The following RPAP3 variants were observed in gnomAD, a reference collection of about 807,000 sequenced individuals.
RPAP3 encodes RNA polymerase II-associated protein 3.
Under a neutral mutation model 88.8 loss-of-function variants are expected in RPAP3, and 58 were observed. That is an observed-to-expected ratio of 0.65 (90% CI 0.53 to 0.81). RPAP3 has a LOEUF of 0.81. RPAP3 is among the 40% of genes least tolerant of loss of function. RPAP3 has a pLI of 0.00. For missense variants in RPAP3, 751 were observed against 764.3 expected (o/e 0.98, Z 0.20); for synonymous variants, 255 against 259.9 (o/e 0.98, Z 0.18).
At chr12:47,704,543 ATT>A (rs63079361) in intron 1 of RPAP3, among the ~76,000 whole-genome samples, 7 of 139,784 alleles carry the variant, frequency 5.0e-5, no homozygotes, top group African/African-American at 5.3e-5. Flanking sequence ...TAATTTTTGT[ATT>A]TTTTTTTTTT....
At chr12:47,677,059 TCATCC>T (rs1476141720) in intron 12 of RPAP3, among the ~76,000 whole-genome samples, 1 of 152,198 alleles carries the variant, frequency 6.6e-6, no homozygotes, top group Non-Finnish European at 1.5e-5. Flanking sequence ...CAAGCTGGCT[TCATCC>T]CAGGGAAGAA....
At position 47,698,837 on chromosome 12, in the gene RPAP3, A is replaced by T. The variant is rs943808294; in HGVS notation, c.295-1118T>A. The stretch of plus-strand genomic sequence containing the variant: ...TTAGAGTTCATTAAAGCACATTTAA[A>T]TACAAACTTTAATTATTATGTAAAC... On this transcript the variant is annotated intron_variant, in intron 3 of 16. Coordinates refer to ENST00000005386, the MANE Select transcript of RPAP3 (RefSeq NM_024604.3). Among the ~76,000 whole-genome samples, 12 of 152,358 alleles carry T rather than the reference A, an allele frequency of 7.9e-5. No homozygotes were observed. In the East Asian group the frequency reaches 2.3e-3, roughly 29 times the overall value.
chr12:47,691,115 C>T (rs982531612), intron 5 of RPAP3, among the ~76,000 whole-genome samples: 9 of 152,062 alleles, frequency 5.9e-5, no homozygotes, highest in Admixed American at 2.0e-4. Context: ...GCATGTGATG[C>T]TATTTGATAG....
chr12:47,664,780 T>C (rs562522072), intron 16 of RPAP3: 3 of 152,358 alleles, frequency 2.0e-5, no homozygotes, highest in Non-Finnish European at 2.9e-5. Context: ...GGGGTTATTA[T>C]GCGCTAGCAC....
At chr12:47,677,836 GA>G (rs1289835185) in intron 12 of RPAP3, among the ~76,000 whole-genome samples, 8 of 152,028 alleles carry the variant, frequency 5.3e-5, no homozygotes, top group Non-Finnish European at 1.2e-4. Flanking sequence ...GTAATTTATA[GA>G]ATTCAATGCC....
chr12:47,691,092 G>A (rs1047506587), intron 5 of RPAP3, among the ~76,000 whole-genome samples: 4 of 152,240 alleles, frequency 2.6e-5, no homozygotes, highest in South Asian at 2.1e-4. Flanking sequence ...GACCGATCAC[G>A]GTGGTGGTGG....
chr12:47,663,397 A>G lies in RPAP3; in HGVS notation c.*108T>C. On this transcript the variant is annotated 3_prime_UTR_variant, in exon 17 of 17. Coordinates refer to ENST00000005386, the MANE Select transcript of RPAP3 (RefSeq NM_024604.3). ...ATAGTTAATTAACTTATGTTCAAAG[A>G]TAGTCCTTTCCTGCTATATAATTTC... 1.5e-6 allele frequency: 1 copy of G among 674,318 alleles called. No individual in the cohort carries two copies. Among genetic ancestry groups the G allele is most frequent in the Non-Finnish European group, 2.6e-6 (1 of 390,092 alleles). The allele number at this position is 674,318 out of a possible 1,614,324, so 41.8% of individuals were successfully genotyped here. A position where few individuals can be genotyped will look rare whatever the true frequency, so the allele number is the denominator to read the frequency against.
At chr12:47,693,565 G>C (rs577159292) in intron 5 of RPAP3, among the ~76,000 whole-genome samples, 1 of 152,146 alleles carries the variant, frequency 6.6e-6, no homozygotes, top group African/African-American at 2.4e-5. Flanking sequence ...GCAATAAAGC[G>C]ACACACAACA....
chr12:47,667,122 CAG>C, intron 15 of RPAP3, 42 bp from the exon 16 acceptor site: 2 of 901,066 alleles, frequency 2.2e-6, no homozygotes, highest in South Asian at 5.1e-5. Flanking sequence ...CAGTTAAAAG[CAG>C]CTCATTTATT....
intron 3 of RPAP3, among the ~76,000 whole-genome samples, chr12:47,700,995 T>A (rs889989867): frequency 4.6e-5 from 7 of 152,106 alleles, no homozygotes; most frequent in African/African-American, 1.4e-4. Flanking sequence ...ACAAAGGGAA[T>A]CTTTGTGGTG....
At chr12:47,672,285 G>C (rs567496541) in intron 12 of RPAP3, among the ~76,000 whole-genome samples, 28 of 152,134 alleles carry the variant, frequency 1.8e-4, no homozygotes, top group African/African-American at 6.5e-4. Flanking sequence ...CCCTGCCCTA[G>C]CCTTTCATTT....
In RPAP3 at chr12:47,701,610, G is replaced by C. The variant is rs191591061; in HGVS notation, c.154-6C>G. The C allele has an allele frequency of 1.9e-6, 3 of 1,563,808 alleles. No homozygotes were observed. Among genetic ancestry groups the C allele is most frequent in the Non-Finnish European group, 2.6e-6 (3 of 1,160,436 alleles). On this transcript the variant is annotated splice_polypyrimidine_tract_variant and splice_region_variant and intron_variant, in intron 2 of 16. Coordinates refer to ENST00000005386, the MANE Select transcript of RPAP3 (RefSeq NM_024604.3). ...TTTCGAATAGGAGGTAAATTCTAAG[G>C]AGGGAAAAAAAAACACAAAGTTGTG... is the stretch of plus-strand genomic sequence containing the variant.
intron 12 of RPAP3, among the ~76,000 whole-genome samples, chr12:47,674,196 A>G (rs1939062001): frequency 6.6e-6 from 1 of 151,756 alleles, no homozygotes; most frequent in South Asian, 2.1e-4. Flanking sequence ...TGCAGCTCCC[A>G]GCGTGATCAA....
At chr12:47,692,221 G>A (rs1400524407) in intron 5 of RPAP3, among the ~76,000 whole-genome samples, 1 of 152,184 alleles carries the variant, frequency 6.6e-6, no homozygotes, top group Admixed American at 6.5e-5. Flanking sequence ...CCTAACAAGA[G>A]AGAGAATCAG....
intron 8 of RPAP3, 89 bp downstream of exon 8, chr12:47,687,787 T>C (rs1018771548): frequency 2.0e-5 from 29 of 1,422,656 alleles, no homozygotes; most frequent in Non-Finnish European, 2.6e-5. Flanking sequence ...ACTTTAATAT[T>C]AGAGAAGAAA....
intron 9 of RPAP3, among the ~76,000 whole-genome samples, chr12:47,682,680 T>TAAA (rs547080438): frequency 7.3e-6 from 1 of 136,126 alleles, no homozygotes; most frequent in Non-Finnish European, 1.6e-5. Context: ...ATAAGAATAT[T>TAAA]AAAAAAAAAA....
In RPAP3 at chr12:47,662,158, G is replaced by T. The variant is rs1282858866; in HGVS notation, c.*1347C>A. 1 of 152,066 alleles carries T rather than the reference G, an allele frequency of 6.6e-6. No individual in the cohort carries two copies. Among genetic ancestry groups the T allele is most frequent in the Admixed American group, 6.6e-5 (1 of 15,248 alleles). 9.4% of individuals were successfully genotyped at this position (152,066 alleles called of 1,614,324 possible). ...CTCTTGACCCAATCACTTCCCAAAG[G>T]CCCCACCTCCGAAGACCATCGCCTT... On this transcript the variant is annotated 3_prime_UTR_variant, in exon 17 of 17. Coordinates refer to ENST00000005386, the MANE Select transcript of RPAP3 (RefSeq NM_024604.3).
chr12:47,684,636 A>T (rs1052599227), intron 9 of RPAP3, among the ~76,000 whole-genome samples: 1 of 152,232 alleles, frequency 6.6e-6, no homozygotes, highest in Non-Finnish European at 1.5e-5. Context: ...ATATTCCACT[A>T]ATACGATTAT....
chr12:47,705,034 T>C (rs73104161), intron 1 of RPAP3, among the ~76,000 whole-genome samples: 9,165 of 152,064 alleles, frequency 0.06, 350 homozygotes, highest in Middle Eastern at 0.12. Flanking sequence ...TGAGATTATA[T>C]GGAGATTACA....
Sources: gnomAD v4.1 joint callset for allele counts (sites outside exome capture counted in the v4.1 genomes callset) on GRCh38, gnomAD v4.1.1 for gene constraint, MANE v1.5 for transcripts, NCBI Gene and HGNC (gene_info 2026-07-23, HGNC 2026-07-21) for gene names.